The following PRKCB variants were observed in gnomAD, a reference collection of about 807,000 sequenced individuals.
The protein encoded by PRKCB is protein kinase C beta, also known as protein kinase C beta type.
A neutral mutation model predicts 81.5 loss-of-function variants in PRKCB; 13 were observed. That is an observed-to-expected ratio of 0.16 (90% CI 0.10 to 0.25). The LOEUF (loss-of-function observed/expected upper bound fraction) is 0.25. Among genes scored for constraint, PRKCB ranks in the 10% least tolerant of loss-of-function variants. The probability of loss-of-function intolerance (pLI) is 1.00; values close to 1 mark genes in which losing one functional copy is unlikely to be tolerated. For missense variants in PRKCB, 509 were observed against 875.7 expected (o/e 0.58, Z 5.29); for synonymous variants, 335 against 321.4 (o/e 1.04, Z -0.45).
In PRKCB at chr16:23,836,060, G is replaced by T; in HGVS notation, c.-116G>T. On this transcript the variant is annotated 5_prime_UTR_variant, in exon 1 of 17. Coordinates refer to ENST00000643927, the MANE Select transcript of PRKCB (RefSeq NM_002738.7). ...CCGCCAGAGCCGGCGCAGGGGAAGC[G>T]CCCGCGGCCCCGGGTGCAGCAGCGG... The T allele has an allele frequency of 2.2e-5, 16 of 743,514 alleles. No individual in the cohort carries two copies. Among genetic ancestry groups the T allele is most frequent in the Non-Finnish European group, 2.6e-5 (16 of 610,448 alleles). The allele number at this position is 743,514 out of a possible 1,614,324, so 46.1% of individuals were successfully genotyped here.
intron 2 of PRKCB, among the ~76,000 whole-genome samples, chr16:23,965,406 T>A (rs78478612): frequency 0.021 from 3,250 of 152,312 alleles, 108 homozygotes; most frequent in African/African-American, 0.074. Context: ...GATGGGCACC[T>A]CCGTTGATTT....
intron 9 of PRKCB, among the ~76,000 whole-genome samples, chr16:24,137,125 A>T (rs1966867737): frequency 6.6e-6 from 1 of 151,534 alleles, no homozygotes; most frequent in African/African-American, 2.4e-5. Context: ...CTGACCTCAA[A>T]TGATCCATCT....
intron 13 of PRKCB, among the ~76,000 whole-genome samples, chr16:24,181,689 C>T (rs773583837): frequency 2.8e-5 from 4 of 143,478 alleles, no homozygotes; most frequent in Admixed American, 7.3e-5. Context: ...ATCACCTGAG[C>T]CCCAGGAGGT....
At chr16:23,882,734 A>G (rs1475937195) in intron 2 of PRKCB, among the ~76,000 whole-genome samples, 3 of 148,670 alleles carry the variant, frequency 2.0e-5, no homozygotes, top group Non-Finnish European at 4.4e-5. Context: ...TGTTGTGAAC[A>G]TGGGTATACA....
chr16:24,175,882 G>A (rs1316211692), intron 12 of PRKCB, among the ~76,000 whole-genome samples: 1 of 150,818 alleles, frequency 6.6e-6, no homozygotes, highest in African/African-American at 2.4e-5. Flanking sequence ...TGAGGTGGGA[G>A]GATCAATTGA....
chr16:24,188,820 C>A (rs1391839397), intron 15 of PRKCB, among the ~76,000 whole-genome samples: 1 of 152,142 alleles, frequency 6.6e-6, no homozygotes, highest in African/African-American at 2.4e-5. Context: ...TTCTCTGCAC[C>A]CACATCCTTT....
chr16:23,871,647 G>A (rs918136197), intron 2 of PRKCB, among the ~76,000 whole-genome samples: 1 of 151,876 alleles, frequency 6.6e-6, no homozygotes, highest in Non-Finnish European at 1.5e-5. Context: ...GCACAATCTC[G>A]GCTCACTGCA....
chr16:24,219,247 T>TTTGTG lies in PRKCB; in HGVS notation c.*4435_*4436insGTTGT. ...GAGAATCGAGTTGCTTTGAGTTTCT[T>TTTGTG]TTGTTTTGTTTTGTTTTGTTTTGTT... is the stretch of plus-strand genomic sequence containing the variant. On this transcript the variant is annotated 3_prime_UTR_variant, in exon 17 of 17. Transcript: ENST00000643927. 1.0e-6 allele frequency: 1 copy of TTTGTG among 968,880 alleles called. No individual in the cohort carries two copies. Among genetic ancestry groups the TTTGTG allele is most frequent in the Non-Finnish European group, 1.2e-6 (1 of 814,920 alleles). The allele number at this position is 968,880 out of a possible 1,614,324, so 60.0% of individuals were successfully genotyped here.
chr16:24,107,883 A>T (rs1050389600), intron 7 of PRKCB, among the ~76,000 whole-genome samples: 3 of 152,090 alleles, frequency 2.0e-5, no homozygotes, highest in African/African-American at 7.2e-5. Context: ...CAAGTGTGAG[A>T]CCCCAAATAC....
At chr16:24,045,995 T>C (rs1205272867) in intron 5 of PRKCB, among the ~76,000 whole-genome samples, 1 of 152,238 alleles carries the variant, frequency 6.6e-6, no homozygotes, top group African/African-American at 2.4e-5. Context: ...AGGGCTGGAA[T>C]CCTCTTTCAT....
intron 8 of PRKCB, among the ~76,000 whole-genome samples, chr16:24,122,409 G>A (rs1966808761): frequency 6.7e-6 from 1 of 149,474 alleles, no homozygotes; most frequent in Non-Finnish European, 1.5e-5. Context: ...TGTATTCTGG[G>A]CCACACAGCT....
intron 15 of PRKCB, 116 bp from the exon 16 acceptor site, chr16:24,190,974 A>G: frequency 1.5e-6 from 2 of 1,296,796 alleles, no homozygotes; most frequent in Non-Finnish European, 2.1e-6. Context: ...AACAAAAATG[A>G]GTTGAGATTC....
At chr16:23,990,480 CT>C (rs759982148) in intron 3 of PRKCB, among the ~76,000 whole-genome samples, 7,211 of 142,260 alleles carry the variant, frequency 0.051, 250 homozygotes, top group African/African-American at 0.11. Context: ...AAAAAAGAAG[CT>C]TTTTTTTTTT....
At chr16:24,008,890 A>C (rs561615326) in intron 3 of PRKCB, among the ~76,000 whole-genome samples, 7 of 149,172 alleles carry the variant, frequency 4.7e-5, no homozygotes, top group Non-Finnish European at 8.9e-5. Flanking sequence ...CCACCCTTTC[A>C]CTCTGATTTT....
chr16:23,889,540 A>C (rs1038934533), intron 2 of PRKCB, among the ~76,000 whole-genome samples: 5 of 152,250 alleles, frequency 3.3e-5, no homozygotes. Flanking sequence ...CTTGCAGGCC[A>C]ATGGTAGGAT....
At chr16:24,156,397 C>T (rs1379723076) in intron 10 of PRKCB, among the ~76,000 whole-genome samples, 1 of 152,076 alleles carries the variant, frequency 6.6e-6, no homozygotes, top group African/African-American at 2.4e-5. Flanking sequence ...ACCTCAACCT[C>T]CCTAGTAGCT....
At chr16:23,867,775 C>T (rs1421310985) in intron 2 of PRKCB, among the ~76,000 whole-genome samples, 1 of 152,188 alleles carries the variant, frequency 6.6e-6, no homozygotes, top group African/African-American at 2.4e-5. Flanking sequence ...CTTGGGTAGA[C>T]TTTGAATCTC....
At chr16:23,925,367 T>C (rs1963881666) in intron 2 of PRKCB, among the ~76,000 whole-genome samples, 1 of 152,122 alleles carries the variant, frequency 6.6e-6, no homozygotes, top group Non-Finnish European at 1.5e-5. Flanking sequence ...CTTTCAGACC[T>C]GACTGGTCAT....
At chr16:23,942,160 C>T (rs1191057352) in intron 2 of PRKCB, among the ~76,000 whole-genome samples, 1 of 152,220 alleles carries the variant, frequency 6.6e-6, no homozygotes, top group East Asian at 1.9e-4. Context: ...ATGCCACCAG[C>T]TCCCTTTTCC....
Sources: allele counts gnomAD v4.1 joint callset (sites outside exome capture counted in the v4.1 genomes callset), GRCh38; gene constraint gnomAD v4.1.1; transcripts MANE v1.5; gene names NCBI Gene and HGNC (gene_info 2026-07-23, HGNC 2026-07-21).